The following CLVS1 variants were observed in gnomAD, a reference collection of about 807,000 sequenced individuals.
The protein encoded by CLVS1 is clavesin-1.
Under a neutral mutation model 33.1 loss-of-function variants are expected in CLVS1, and 10 were observed. The observed-to-expected ratio is 0.30, with a 90% confidence interval of 0.19 to 0.51. The LOEUF (loss-of-function observed/expected upper bound fraction) is 0.51. Ranked by LOEUF, CLVS1 falls within the 20% of genes least tolerant of loss-of-function variation. The pLI is 0.97. For missense variants in CLVS1, 343 were observed against 433.4 expected (o/e 0.79, Z 1.85); for synonymous variants, 163 against 166.1 (o/e 0.98, Z 0.14).
intron 2 of CLVS1, among the ~76,000 whole-genome samples, chr8:61,209,224 A>C (rs1277971072): frequency 6.6e-6 from 1 of 152,228 alleles, no homozygotes; most frequent in East Asian, 1.9e-4. Flanking sequence ...TGTGTAAGGC[A>C]GGCTCAGGGG....
the CLVS1 span, among the ~76,000 whole-genome samples, chr8:60,983,737 T>C: frequency 6.6e-6 from 1 of 152,182 alleles, no homozygotes; most frequent in Non-Finnish European, 1.5e-5. Flanking sequence ...TGCTGTGTTG[T>C]CTGCTGTTAC....
intron 2 of CLVS1, among the ~76,000 whole-genome samples, chr8:61,160,980 G>A (rs760068465): frequency 1.1e-4 from 17 of 152,090 alleles, no homozygotes; most frequent in Middle Eastern, 3.2e-3. Flanking sequence ...TAACCCAATA[G>A]TAAGAAAATA....
the CLVS1 span, among the ~76,000 whole-genome samples, chr8:61,020,990 C>T: frequency 4.6e-5 from 7 of 152,236 alleles, no homozygotes; most frequent in African/African-American, 1.7e-4. Context: ...TGATGGAGGG[C>T]TCTCTATAAA....
chr8:61,381,373 A>G (rs1348113144), intron 3 of CLVS1, among the ~76,000 whole-genome samples: 2 of 152,090 alleles, frequency 1.3e-5, no homozygotes, highest in Non-Finnish European at 2.9e-5. Context: ...CAAATCACCT[A>G]TCTCCCTAGT....
the CLVS1 span, among the ~76,000 whole-genome samples, chr8:61,039,076 G>A: frequency 2.6e-5 from 4 of 152,080 alleles, no homozygotes; most frequent in East Asian, 1.9e-4. Flanking sequence ...ACTCAGTGCC[G>A]ACTTTGCCTC....
intron 1 of CLVS1, among the ~76,000 whole-genome samples, chr8:61,131,015 T>C (rs1416073950): frequency 6.6e-6 from 1 of 152,258 alleles, no homozygotes; most frequent in Admixed American, 6.5e-5. Context: ...CGGGCTCTTT[T>C]CTACTTCGAG....
intron 2 of CLVS1, among the ~76,000 whole-genome samples, chr8:61,253,953 TTGCTGGTGAGGAGC>T (rs1357346092): frequency 6.6e-6 from 1 of 152,260 alleles, no homozygotes; most frequent in East Asian, 1.9e-4. Flanking sequence ...CTTTGTTCCG[TTGCTGGTGAGGAGC>T]TGCATTCCTT....
chr8:61,026,176 T>A, the CLVS1 span, among the ~76,000 whole-genome samples: 1 of 151,928 alleles, frequency 6.6e-6, no homozygotes, highest in African/African-American at 2.4e-5. Context: ...ATATGGTGAG[T>A]GTTCTTATAA....
chr8:61,240,649 G>A (rs1223316667), intron 2 of CLVS1, among the ~76,000 whole-genome samples: 1 of 152,166 alleles, frequency 6.6e-6, no homozygotes, highest in Non-Finnish European at 1.5e-5. Context: ...TTCACATATT[G>A]ATTCCAATGG....
chr8:61,175,838 T>C (rs1227618971), intron 2 of CLVS1, among the ~76,000 whole-genome samples: 1 of 152,182 alleles, frequency 6.6e-6, no homozygotes, highest in Non-Finnish European at 1.5e-5. Flanking sequence ...AGCTTTCCCA[T>C]TTGTGATTTG....
chr8:61,149,566 A>C (rs1004840380), intron 2 of CLVS1, among the ~76,000 whole-genome samples: 2 of 149,256 alleles, frequency 1.3e-5, no homozygotes, highest in Admixed American at 6.7e-5. Context: ...AAAAAAAAAA[A>C]AACAAAAAAC....
intron 5 of CLVS1, among the ~76,000 whole-genome samples, chr8:61,477,521 T>C (rs139905938): frequency 0.01 from 1,595 of 152,324 alleles, 28 homozygotes; most frequent in African/African-American, 0.036. Flanking sequence ...CCTGGTTTAG[T>C]CTTGGGAGGG....
At chr8:61,426,194 A>G (rs914035670) in intron 3 of CLVS1, among the ~76,000 whole-genome samples, 1 of 152,194 alleles carries the variant, frequency 6.6e-6, no homozygotes, top group Admixed American at 6.5e-5. Context: ...TCCTGTGCAC[A>G]TGTGCCTTCC....
At chr8:61,087,299 T>C (rs1805144486) in intron 1 of CLVS1, among the ~76,000 whole-genome samples, 1 of 152,110 alleles carries the variant, frequency 6.6e-6, no homozygotes, top group South Asian at 2.1e-4. Context: ...ATTGAGGCAA[T>C]GGAGGGAAAT....
At chr8:61,103,627 T>C (rs903307886) in intron 1 of CLVS1, among the ~76,000 whole-genome samples, 1 of 152,226 alleles carries the variant, frequency 6.6e-6, no homozygotes, top group Admixed American at 6.5e-5. Context: ...AATGGGCTGG[T>C]TTAGAATTAT....
At chr8:61,140,419 G>A (rs943255966) in intron 2 of CLVS1, among the ~76,000 whole-genome samples, 2 of 152,078 alleles carry the variant, frequency 1.3e-5, no homozygotes, top group Non-Finnish European at 2.9e-5. Flanking sequence ...CATTTCTTCC[G>A]TCCTATTAGA....
At chr8:61,257,208 T>G (rs1207737317) in intron 2 of CLVS1, among the ~76,000 whole-genome samples, 2 of 152,318 alleles carry the variant, frequency 1.3e-5, no homozygotes, top group Admixed American at 1.3e-4. Flanking sequence ...TCTGTCCCAG[T>G]GCTAATTGAG....
intron 1 of CLVS1, among the ~76,000 whole-genome samples, chr8:61,127,240 G>A (rs1805993537): frequency 6.7e-6 from 1 of 150,138 alleles, no homozygotes; most frequent in African/African-American, 2.5e-5. Context: ...TTGAGATGGA[G>A]TTTCGCTCTT....
the CLVS1 span, among the ~76,000 whole-genome samples, chr8:61,021,158 C>T: frequency 6.6e-6 from 1 of 152,162 alleles, no homozygotes. Context: ...GCAATATAAA[C>T]AGCTCTAAAT....
Sources: gnomAD v4.1 joint callset for allele counts (sites outside exome capture counted in the v4.1 genomes callset) on GRCh38, gnomAD v4.1.1 for gene constraint, MANE v1.5 for transcripts, NCBI Gene and HGNC (gene_info 2026-07-23, HGNC 2026-07-21) for gene names.